CNTNAP2: variants seen among roughly 807,000 people sequenced by gnomAD.
The protein encoded by CNTNAP2 is contactin associated protein 2.
In CNTNAP2, 98 loss-of-function variants were observed where a neutral mutation model predicts 155.2. The observed-to-expected ratio is 0.63, with a 90% CI of 0.54 to 0.75. The LOEUF (loss-of-function observed/expected upper bound fraction) is 0.75. CNTNAP2 is among the 30% of genes least tolerant of loss of function. The pLI, the probability that CNTNAP2 is intolerant of heterozygous loss-of-function variation, is 0.00. For missense variants in CNTNAP2, 1,727 were observed against 1,688.1 expected, an observed-to-expected ratio of 1.02 and a Z score of -0.40; for synonymous variants, 651 against 631.2, an observed-to-expected ratio of 1.03 and a Z score of -0.47.
At chr7:147,025,115 C>G (rs1278395596) in intron 3 of CNTNAP2, among the ~76,000 whole-genome samples, 3 of 150,650 alleles carry the variant, frequency 2.0e-5, no homozygotes, top group Admixed American at 2.0e-4. Flanking sequence ...GAAACCCCAT[C>G]TCTACTAAAA....
At chr7:147,733,279 C>A (rs1796776742) in intron 13 of CNTNAP2, among the ~76,000 whole-genome samples, 1 of 151,910 alleles carries the variant, frequency 6.6e-6, no homozygotes, top group Non-Finnish European at 1.5e-5. Flanking sequence ...AATAGGGAAT[C>A]CTTTCCCCAT....
At chr7:147,976,116 T>C (rs1169800982) in intron 14 of CNTNAP2, among the ~76,000 whole-genome samples, 3 of 152,190 alleles carry the variant, frequency 2.0e-5, no homozygotes, top group African/African-American at 4.8e-5. Flanking sequence ...TTTAAAACCA[T>C]TTAAATTGTG....
At chr7:146,477,336 A>T (rs1199005077) in intron 1 of CNTNAP2, among the ~76,000 whole-genome samples, 3 of 152,132 alleles carry the variant, frequency 2.0e-5, no homozygotes, top group Admixed American at 2.0e-4. Context: ...TGCTTTGTGA[A>T]TGTGTTGCTA....
intron 8 of CNTNAP2, among the ~76,000 whole-genome samples, chr7:147,224,548 A>G (rs1803478262): frequency 1.3e-5 from 2 of 152,210 alleles, no homozygotes; most frequent in African/African-American, 4.8e-5. Context: ...TACTAAAATA[A>G]TCCAATAATT....
intron 13 of CNTNAP2, among the ~76,000 whole-genome samples, chr7:147,869,497 A>G (rs1799291706): frequency 6.6e-6 from 1 of 152,242 alleles, no homozygotes; most frequent in Non-Finnish European, 1.5e-5. Flanking sequence ...GACAAAGTGA[A>G]AAAGAAATGA....
At chr7:146,381,045 G>A (rs1191373556) in intron 1 of CNTNAP2, among the ~76,000 whole-genome samples, 2 of 151,534 alleles carry the variant, frequency 1.3e-5, no homozygotes, top group African/African-American at 4.8e-5. Flanking sequence ...TGATCCGCCC[G>A]CCTCGGCCTC....
At chr7:146,717,319 A>G (rs944502681) in intron 1 of CNTNAP2, among the ~76,000 whole-genome samples, 4 of 150,910 alleles carry the variant, frequency 2.7e-5, no homozygotes, top group Non-Finnish European at 5.9e-5. Context: ...CCTGGCCAAC[A>G]TGGCAAAACT....
At chr7:148,069,135 T>G (rs1228133966) in intron 15 of CNTNAP2, among the ~76,000 whole-genome samples, 3 of 152,212 alleles carry the variant, frequency 2.0e-5, no homozygotes, top group African/African-American at 7.2e-5. Flanking sequence ...TATGACTGTT[T>G]TATATATTTT....
In CNTNAP2 at chr7:146,911,427, C is replaced by G. The variant is rs558581489; in HGVS notation, c.402+71523C>G. On this transcript the variant is annotated intron_variant, in intron 3 of 23. Coordinates refer to ENST00000361727, the MANE Select transcript of CNTNAP2 (RefSeq NM_014141.6). Reference sequence around the variant, plus strand: ...AACCCAAATGTCCAACAATGATAGACTGGATTAAGAAAATGTGGCACATAT... The same window carrying G: ...AACCCAAATGTCCAACAATGATAGAGTGGATTAAGAAAATGTGGCACATAT... 1.7e-3 allele frequency among the ~76,000 whole-genome samples: 253 copies of G among 151,986 alleles called. 1 individual carries two copies. Among genetic ancestry groups the G allele is most frequent in the African/African-American group, 5.8e-3 (240 of 41,458 alleles).
At chr7:148,198,446 G>A (rs2116727755) in intron 18 of CNTNAP2, among the ~76,000 whole-genome samples, 1 of 152,256 alleles carries the variant, frequency 6.6e-6, no homozygotes, top group South Asian at 2.1e-4. Context: ...CTCCTTCTGT[G>A]GGGGCTTCAT....
At chr7:147,760,154 C>T (rs545459600) in intron 13 of CNTNAP2, among the ~76,000 whole-genome samples, 6 of 152,044 alleles carry the variant, frequency 3.9e-5, no homozygotes, top group Non-Finnish European at 8.8e-5. Context: ...GTGTGCCCCT[C>T]TCCATATGAT....
chr7:146,397,870 G>GGTTTTTTTTTT (rs1554428065), intron 1 of CNTNAP2, among the ~76,000 whole-genome samples: 1 of 117,498 alleles, frequency 8.5e-6, no homozygotes, highest in African/African-American at 4.6e-5. Context: ...AATTTGACAG[G>GGTTTTTTTTTT]CTTTTATTTA....
intron 1 of CNTNAP2, among the ~76,000 whole-genome samples, chr7:146,312,803 T>C (rs1431193569): frequency 5.3e-5 from 8 of 152,216 alleles, no homozygotes; most frequent in Admixed American, 5.2e-4. Flanking sequence ...AGTGAGATCA[T>C]ACCGTATTTG....
chr7:146,683,898 C>A (rs1800548889), intron 1 of CNTNAP2, among the ~76,000 whole-genome samples: 1 of 151,810 alleles, frequency 6.6e-6, no homozygotes, highest in African/African-American at 2.4e-5. Flanking sequence ...CTTAATGACA[C>A]TTTGACGATT....
At chr7:146,117,173 G>T (rs1482630033) in intron 1 of CNTNAP2, 200 bp downstream of exon 1, 2 of 578,716 alleles carry the variant, frequency 3.5e-6, no homozygotes, top group African/African-American at 1.9e-5. Context: ...GGGTTGTGAC[G>T]CTGGTGATGT....
intron 13 of CNTNAP2, among the ~76,000 whole-genome samples, chr7:147,873,799 G>A (rs527686184): frequency 1.3e-5 from 2 of 152,262 alleles, no homozygotes; most frequent in African/African-American, 4.8e-5. Context: ...TTCTGCCTAT[G>A]AGCCTGTAAA....
intron 10 of CNTNAP2, among the ~76,000 whole-genome samples, chr7:147,413,128 G>C (rs553598546): frequency 6.6e-6 from 1 of 152,184 alleles, no homozygotes; most frequent in South Asian, 2.1e-4. Context: ...TCGGAAAAGA[G>C]TTTACTGGAA....
intron 5 of CNTNAP2, among the ~76,000 whole-genome samples, chr7:147,109,270 T>C (rs1029595917): frequency 6.6e-6 from 1 of 152,098 alleles, no homozygotes; most frequent in Non-Finnish European, 1.5e-5. Flanking sequence ...GGAAATAATT[T>C]TAGTGGTACA....
chr7:147,111,220 T>C (rs1249844957), intron 5 of CNTNAP2, among the ~76,000 whole-genome samples: 5 of 152,132 alleles, frequency 3.3e-5, no homozygotes, highest in Non-Finnish European at 5.9e-5. Context: ...TTTTATGAGG[T>C]TGTTTTTGTC....
Sources: allele counts gnomAD v4.1 joint callset (sites outside exome capture counted in the v4.1 genomes callset), GRCh38; gene constraint gnomAD v4.1.1; transcripts MANE v1.5; gene names NCBI Gene and HGNC (gene_info 2026-07-23, HGNC 2026-07-21).